Variants in PIK3CB observed in about 807,000 individuals in gnomAD.
The protein encoded by PIK3CB is phosphatidylinositol 4,5-bisphosphate 3-kinase catalytic subunit beta isoform.
Under a neutral mutation model 136.8 loss-of-function variants are expected in PIK3CB, and 39 were observed. The ratio of observed to expected loss-of-function variants is 0.29; its 90% CI spans 0.22 to 0.37. The LOEUF (loss-of-function observed/expected upper bound fraction) is 0.37. PIK3CB is among the 10% of genes least tolerant of loss of function. The pLI is 1.00. For synonymous variants in PIK3CB, 428 were observed against 436.6 expected (o/e 0.98, Z 0.25); for missense variants, 868 against 1,275.4 (o/e 0.68, Z 4.87).
chr3:138,655,671 A>C (rs2043178551), intron 23 of PIK3CB, 145 bp from the exon 24 acceptor site: 2 of 651,560 alleles, frequency 3.1e-6, no homozygotes, highest in Non-Finnish European at 5.4e-6. Flanking sequence ...TATCATCTGC[A>C]GGAGGCAGAA....
chr3:138,810,405 C>T (rs936113455), intron 1 of PIK3CB, among the ~76,000 whole-genome samples: 22 of 151,964 alleles, frequency 1.4e-4, no homozygotes, highest in African/African-American at 5.1e-4. Flanking sequence ...ACTACCTCAG[C>T]CAGCTGATCA....
chr3:138,756,454 C>T (rs1220005561), intron 3 of PIK3CB, among the ~76,000 whole-genome samples: 1 of 152,062 alleles, frequency 6.6e-6, no homozygotes, highest in Non-Finnish European at 1.5e-5. Context: ...AAGTATGTAT[C>T]ACCACCTCCA....
chr3:138,795,864 T>C (rs1443090763), intron 2 of PIK3CB, among the ~76,000 whole-genome samples: 1 of 152,180 alleles, frequency 6.6e-6, no homozygotes, highest in Admixed American at 6.6e-5. Context: ...AAATGGCCCC[T>C]GCTGGGATCA....
At chr3:138,783,525 C>T (rs2045943263) in intron 2 of PIK3CB, among the ~76,000 whole-genome samples, 1 of 152,088 alleles carries the variant, frequency 6.6e-6, no homozygotes. Flanking sequence ...GATCCCCATC[C>T]CCCGGCCTTG....
At chr3:138,826,019 G>A (rs2108916834) in intron 1 of PIK3CB, 1 of 1,416,252 alleles carries the variant, frequency 7.1e-7, no homozygotes, top group South Asian at 1.2e-5. Context: ...CTATGCCACT[G>A]TACTGGATTG....
rs186028875 is a variant in PIK3CB at position 138,663,363 on chromosome 3, C to G, written c.2796+543G>C. 3.3e-5 allele frequency among the ~76,000 whole-genome samples: 5 copies of G among 152,262 alleles called. No homozygotes were observed. The East Asian group carries it at 9.6e-4, about 29-fold the overall frequency. On this transcript the variant is annotated intron_variant, in intron 21 of 23. Coordinates refer to ENST00000674063, the MANE Select transcript of PIK3CB (RefSeq NM_006219.3). ...ATTTCTTATATTGAAGAACAGGCCACTTTAACTACAAAAATTTTTTCAATA... is the reference window on the plus strand; with the variant it reads ...ATTTCTTATATTGAAGAACAGGCCAGTTTAACTACAAAAATTTTTTCAATA...
intron 2 of PIK3CB, among the ~76,000 whole-genome samples, chr3:138,791,206 A>C (rs533315872): frequency 2.7e-5 from 4 of 150,930 alleles, no homozygotes; most frequent in Non-Finnish European, 5.9e-5. Context: ...GCAGTGGTGC[A>C]ATCTCGGCTC....
intron 2 of PIK3CB, among the ~76,000 whole-genome samples, chr3:138,784,748 T>C (rs866270288): frequency 3.3e-5 from 5 of 152,210 alleles, no homozygotes; most frequent in African/African-American, 1.2e-4. Context: ...TTGCCCAGGC[T>C]GGAATGCAGT....
At chr3:138,769,142 C>T (rs1327561740) in intron 2 of PIK3CB, among the ~76,000 whole-genome samples, 2 of 152,200 alleles carry the variant, frequency 1.3e-5, no homozygotes, top group African/African-American at 4.8e-5. Flanking sequence ...CTCCCGCCAG[C>T]TCCACAGAGC....
At chr3:138,820,163 G>T (rs1933497109) in intron 1 of PIK3CB, among the ~76,000 whole-genome samples, 1 of 152,154 alleles carries the variant, frequency 6.6e-6, no homozygotes, top group Admixed American at 6.6e-5. Flanking sequence ...AGGCTAACAT[G>T]ACTGGCCTTT....
rs1200654116 is a variant in PIK3CB, at chr3:138,666,756, A to C, written c.2505-1553T>G. The stretch of plus-strand genomic sequence containing the variant: ...GTAAATACTCGGGTACAGCTAACCA[A>C]GCATTGTGTTAGATCCTGGTGATAC... On this transcript the variant is annotated intron_variant, in intron 19 of 23. Transcript: ENST00000674063. Among the ~76,000 whole-genome samples the C allele has an allele frequency of 3.3e-5, 5 of 152,342 alleles. No homozygotes were observed. The East Asian group carries it at 7.7e-4, about 24-fold the overall frequency.
chr3:138,684,625 T>C lies in PIK3CB; in HGVS notation c.2315A>G (p.Tyr772Cys), dbSNP rs765604261. Residue 772 changes from tyrosine to cysteine, a missense_variant and splice_region_variant, in exon 17 of 24, where the codon TAT (tyrosine) becomes TGT (cysteine). Tyr to Cys is a radical substitution (Grantham distance 194). Around this residue, in one of 4 missense-constraint regions of PIK3CB, gnomAD observed 165 missense variants for 295.4 expected, o/e 0.56. Transcript: ENST00000674063. ...LNPCVILSEL[Y>C]VEKCKYMDSK... The stretch of plus-strand genomic sequence containing the variant: ...CACTGCGCAAAGCACAGTCACTTAC[T>C]AGAGTTCTGAGAGGATAACACATGG... 4 of 1,594,940 alleles carry C rather than the reference T, an allele frequency of 2.5e-6. No homozygotes were observed. Among genetic ancestry groups the C allele is most frequent in the Admixed American group, 1.8e-5 (1 of 56,218 alleles).
intron 2 of PIK3CB, among the ~76,000 whole-genome samples, chr3:138,791,333 G>A (rs2046045462): frequency 6.6e-6 from 1 of 152,024 alleles, no homozygotes; most frequent in Admixed American, 6.6e-5. Context: ...TGTAGTGATG[G>A]GGTTTTACCA....
chr3:138,790,128 G>C (rs2046031576), intron 2 of PIK3CB, among the ~76,000 whole-genome samples: 1 of 152,142 alleles, frequency 6.6e-6, no homozygotes, highest in African/African-American at 2.4e-5. Context: ...ATCTGAAGCA[G>C]AGTAGTCAAA....
chr3:138,733,351 G>A lies in PIK3CB; in HGVS notation c.1050+10C>T, dbSNP rs535559218. 9 of 1,336,306 alleles carry A rather than the reference G, an allele frequency of 6.7e-6. No individual in the cohort carries two copies. In the African/African-American group the frequency reaches 8.7e-5, roughly 13 times the overall value. 82.8% of individuals were successfully genotyped at this position (1,336,306 alleles called of 1,614,324 possible). A position where few individuals can be genotyped will look rare whatever the true frequency, so the allele number is the denominator to read the frequency against. ...GCGGATGGCAAATTCAAATCTTAGT[G>A]GGTACTCACTTTTACAGTTTCCTCT... On this transcript the variant is annotated intron_variant, in intron 8 of 23. Coordinates refer to ENST00000674063, the MANE Select transcript of PIK3CB (RefSeq NM_006219.3).
At chr3:138,775,040 T>C (rs1337071563) in intron 2 of PIK3CB, among the ~76,000 whole-genome samples, 1 of 152,212 alleles carries the variant, frequency 6.6e-6, no homozygotes, top group Non-Finnish European at 1.5e-5. Flanking sequence ...TATCCACCCA[T>C]GAATGACAAA....
intron 9 of PIK3CB, among the ~76,000 whole-genome samples, chr3:138,713,029 C>A (rs1027152617): frequency 1.3e-5 from 2 of 151,962 alleles, no homozygotes; most frequent in Non-Finnish European, 2.9e-5. Context: ...GACTTTTATA[C>A]AAACATTTAA....
intron 10 of PIK3CB, 76 bp downstream of exon 10, chr3:138,712,132 A>T: frequency 1.7e-6 from 1 of 591,266 alleles, no homozygotes; most frequent in East Asian, 3.2e-5. Context: ...AAGAACGGTG[A>T]TTCATAAATA....
rs1365793151 is a variant in PIK3CB at position 138,779,454 on chromosome 3, G to A, written c.-17+17009C>T. Among the ~76,000 whole-genome samples, 8 of 139,086 alleles carry A rather than the reference G, an allele frequency of 5.8e-5. No individual in the cohort carries two copies. In the South Asian group the frequency reaches 1.9e-3, roughly 33 times the overall value. The allele number at this position is 139,086 out of a possible 152,430, so 91.2% of individuals were successfully genotyped here. ...CACCCAGGATGGAGTACAGTGGCACGATCTTGGCTCACTGCAACATCTACC... is the reference window on the plus strand; with the variant it reads ...CACCCAGGATGGAGTACAGTGGCACAATCTTGGCTCACTGCAACATCTACC... On this transcript the variant is annotated intron_variant, in intron 2 of 23. Coordinates refer to ENST00000674063, the MANE Select transcript of PIK3CB (RefSeq NM_006219.3).
Sources: allele counts gnomAD v4.1 joint callset (sites outside exome capture counted in the v4.1 genomes callset), GRCh38; gene constraint gnomAD v4.1.1; regional missense constraint gnomAD v4.1.1; transcripts MANE v1.5; gene names NCBI Gene and HGNC (gene_info 2026-07-23, HGNC 2026-07-21).